DYRK4: variants seen among roughly 807,000 people sequenced by gnomAD.
DYRK4 encodes the protein dual specificity tyrosine-phosphorylation-regulated kinase 4.
DYRK4 carries 64 observed loss-of-function variants against 68.3 expected under a neutral mutation model. The ratio of observed to expected loss-of-function variants is 0.94; its 90% CI spans 0.77 to 1.15. The LOEUF (loss-of-function observed/expected upper bound fraction) is 1.15, where lower values mean the gene tolerates loss of function less well. Ranked by LOEUF, DYRK4 falls within the 50% of genes most tolerant of loss-of-function variation. DYRK4 has a pLI of 0.00. For synonymous variants in DYRK4, 274 were observed against 289.9 expected (o/e 0.95, Z 0.56); for missense variants, 740 against 764.7 (o/e 0.97, Z 0.38).
Position 4,562,224 on chromosome 12 carries a change from G to GC in DYRK4, c.-21dup. ...CGGGCTCTCACAGCCTCCCGCAGCG[G>GC]CGGGCGGTCAGCGCCGGCCTCATGC... On this transcript the variant is annotated 5_prime_UTR_variant, in exon 1 of 15. Transcript: ENST00000543431. 1 of 1,524,194 alleles carries GC rather than the reference G, an allele frequency of 6.6e-7. No individual in the cohort carries two copies. Among genetic ancestry groups the GC allele is most frequent in the East Asian group, 2.5e-5 (1 of 39,936 alleles). The allele number at this position is 1,524,194 out of a possible 1,614,324, so 94.4% of individuals were successfully genotyped here.
chr12:4,605,201 T>C (rs1328911829), intron 11 of DYRK4, 115 bp downstream of exon 11: 1 of 887,786 alleles, frequency 1.1e-6, no homozygotes, highest in Non-Finnish European at 1.7e-6. Flanking sequence ...GTTGTTGTTG[T>C]TGTTGAGTAT....
chr12:4,566,343 C>T (rs1313570634), intron 1 of DYRK4, among the ~76,000 whole-genome samples: 2 of 152,218 alleles, frequency 1.3e-5, no homozygotes, highest in African/African-American at 4.8e-5. Context: ...GGCCCTCCAT[C>T]GGCAATGTCC....
rs114316586 is a variant in DYRK4, at chr12:4,589,350, T to C, written c.213+333T>C. Among the ~76,000 whole-genome samples the C allele has an allele frequency of 7.9e-3, 1,210 of 152,322 alleles. 12 individuals are homozygous for C. The highest frequency in any genetic ancestry group is 0.027 in the African/African-American group (1,132 of 41,570). On this transcript the variant is annotated intron_variant, in intron 3 of 14. Coordinates refer to ENST00000543431, the MANE Select transcript of DYRK4 (RefSeq NM_001394779.1). ...TTTGTCCCCTCAGGCATTTATCCTT[T>C]GTGTTACATACAATAAAATACAATT...
intron 5 of DYRK4, chr12:4,592,404 A>T (rs1944966572): frequency 6.6e-6 from 1 of 152,172 alleles, no homozygotes; most frequent in South Asian, 2.1e-4. Context: ...TTCTCTGAGA[A>T]TGCTCTAGTT....
rs115289756 is a variant in DYRK4, at chr12:4,577,280, G to A, written c.132+9232G>A. On this transcript the variant is annotated intron_variant, in intron 2 of 14. Transcript: ENST00000543431. The stretch of plus-strand genomic sequence containing the variant: ...TAATAAGTCTTGCTACATTTCCCAG[G>A]CTGGTCTCAAACTCATGACCTCAAG... Among the ~76,000 whole-genome samples, 1,358 of 152,182 alleles carry A rather than the reference G, an allele frequency of 8.9e-3. 21 individuals carry two copies. The highest frequency in any genetic ancestry group is 0.031 in the African/African-American group (1,269 of 41,514).
At chr12:4,603,350 T>C in intron 10 of DYRK4, 1 of 533,772 alleles carries the variant, frequency 1.9e-6, no homozygotes, top group African/African-American at 1.9e-5. Flanking sequence ...AGTTAACCCC[T>C]CCAGGTCCTT....
intron 12 of DYRK4, 130 bp from the exon 13 acceptor site, chr12:4,610,025 G>C: frequency 1.7e-6 from 1 of 591,570 alleles, no homozygotes; most frequent in Non-Finnish European, 2.8e-6. Context: ...TGTGTTTATT[G>C]GGGTGTGGCA....
intron 2 of DYRK4, chr12:4,572,957 GAAAAGCAGGAACAAA>G: frequency 8.3e-6 from 2 of 239,704 alleles, no homozygotes; most frequent in Non-Finnish European, 1.6e-5. Flanking sequence ...CTTCCTATAC[GAAAAGCAGGAACAAA>G]ACAAAATCCT....
chr12:4,563,066 G>A, intron 1 of DYRK4: 1 of 455,908 alleles, frequency 2.2e-6, no homozygotes. Flanking sequence ...GGCTTAAGTG[G>A]AGACTCGGCA....
chr12:4,582,664 C>T (rs1405485562), intron 2 of DYRK4, among the ~76,000 whole-genome samples: 10 of 151,946 alleles, frequency 6.6e-5, no homozygotes, highest in South Asian at 2.1e-4. Flanking sequence ...GGCCCAAATG[C>T]GGGTGAACGA....
intron 2 of DYRK4, among the ~76,000 whole-genome samples, chr12:4,584,143 G>A (rs1450068474): frequency 2.6e-5 from 4 of 152,146 alleles, no homozygotes; most frequent in Admixed American, 2.6e-4. Context: ...CCAAAAGAGG[G>A]GATTATATTA....
intron 2 of DYRK4, among the ~76,000 whole-genome samples, chr12:4,580,424 G>A (rs1028168699): frequency 1.9e-4 from 29 of 152,310 alleles, no homozygotes; most frequent in African/African-American, 6.7e-4. Context: ...ACAGCAAAGG[G>A]ACTTAAAGGG....
At chr12:4,566,206 C>T (rs989428588) in intron 1 of DYRK4, among the ~76,000 whole-genome samples, 2 of 152,136 alleles carry the variant, frequency 1.3e-5, no homozygotes, top group African/African-American at 4.8e-5. Flanking sequence ...AATCGTGCTT[C>T]GTGATATTGC....
In DYRK4 at chr12:4,576,599, C is replaced by T. The variant is rs748430398; in HGVS notation, c.132+8551C>T. On this transcript the variant is annotated intron_variant, in intron 2 of 14. Coordinates refer to ENST00000543431, the MANE Select transcript of DYRK4 (RefSeq NM_001394779.1). ...TCATAAGAAACTGCTACACTGTCTT[C>T]CAAACAAGCTGTACCATTCTGCCTT... 2.8e-4 allele frequency among the ~76,000 whole-genome samples: 42 copies of T among 152,310 alleles called. No individual in the cohort carries two copies. In the Middle Eastern group the frequency reaches 0.01, roughly 37 times the overall value.
chr12:4,584,582 G>T, intron 2 of DYRK4, among the ~76,000 whole-genome samples: 1 of 125,574 alleles, frequency 8.0e-6, no homozygotes, highest in African/African-American at 3.0e-5. Flanking sequence ...TTGAGGCAGA[G>T]TCTTGCTCTG....
chr12:4,581,687 TAGAGTTGTCTCAGATCTTTC>T (rs1168216054), intron 2 of DYRK4, among the ~76,000 whole-genome samples: 1 of 152,162 alleles, frequency 6.6e-6, no homozygotes, highest in East Asian at 1.9e-4. Context: ...CTGGACAGCC[TAGAGTTGTCTCAGATCTTTC>T]AGGACAAGTG....
At chr12:4,601,876 T>TTGTGTGTGTGTG (rs58259135) in intron 10 of DYRK4, 3,252 of 157,594 alleles carry the variant, frequency 0.021, 76 homozygotes, top group East Asian at 0.13. Flanking sequence ...TCTGTAGGGT[T>TTGTGTGTGTGTG]TGTGTGTGTG....
chr12:4,575,255 T>C (rs1944775398), intron 2 of DYRK4, among the ~76,000 whole-genome samples: 1 of 144,724 alleles, frequency 6.9e-6, no homozygotes, highest in Non-Finnish European at 1.5e-5. Flanking sequence ...TATTACCTGA[T>C]ATTGTGTGAC....
chr12:4,594,564 C>T (rs772885352), intron 6 of DYRK4, among the ~76,000 whole-genome samples: 6 of 152,150 alleles, frequency 3.9e-5, no homozygotes, highest in Non-Finnish European at 7.3e-5. Context: ...TTCAGCTAGA[C>T]CTCCTCAACC....
Sources: allele counts gnomAD v4.1 joint callset (sites outside exome capture counted in the v4.1 genomes callset), GRCh38; gene constraint gnomAD v4.1.1; transcripts MANE v1.5; gene names NCBI Gene and HGNC (gene_info 2026-07-23, HGNC 2026-07-21).